The following GABRA1 variants were observed in gnomAD, a reference collection of about 807,000 sequenced individuals.
The protein encoded by GABRA1 is gamma-aminobutyric acid type A receptor subunit alpha1, also known as gamma-aminobutyric acid receptor subunit alpha-1.
A neutral mutation model predicts 48.9 loss-of-function variants in GABRA1; 9 were observed. The ratio of observed to expected loss-of-function variants is 0.18; its 90% CI spans 0.11 to 0.32. The LOEUF (loss-of-function observed/expected upper bound fraction) is 0.32, where lower values mean the gene tolerates loss of function less well. Ranked by LOEUF, GABRA1 falls within the 10% of genes least tolerant of loss-of-function variation. The pLI, the probability that GABRA1 is intolerant of heterozygous loss-of-function variation, is 1.00. For synonymous variants in GABRA1, 210 were observed against 198.7 expected (o/e 1.06, Z -0.48); for missense variants, 285 against 553.8 (o/e 0.51, Z 4.87).
At chr5:161,869,032 G>T (rs979119756) in intron 4 of GABRA1, among the ~76,000 whole-genome samples, 1 of 152,128 alleles carries the variant, frequency 6.6e-6, no homozygotes, top group South Asian at 2.1e-4. Flanking sequence ...TTTGCTAGTA[G>T]CTGGTAGAAA....
chr5:161,857,470 C>G (rs2113321144), intron 3 of GABRA1, among the ~76,000 whole-genome samples: 1 of 151,554 alleles, frequency 6.6e-6, no homozygotes, highest in Non-Finnish European at 1.5e-5. Context: ...CTTGGTTAAT[C>G]TAGATGATAG....
At chr5:161,892,492 A>T (rs560047919) in intron 8 of GABRA1, among the ~76,000 whole-genome samples, 1 of 152,378 alleles carries the variant, frequency 6.6e-6, no homozygotes, top group South Asian at 2.1e-4. Flanking sequence ...TTGCCTAAGC[A>T]TATAGCTAAA....
intron 8 of GABRA1, among the ~76,000 whole-genome samples, chr5:161,891,653 G>A (rs955290615): frequency 3.3e-5 from 5 of 152,060 alleles, no homozygotes; most frequent in Non-Finnish European, 7.4e-5. Context: ...TTTACAAATA[G>A]GAAAACTTAT....
Position 161,849,733 on chromosome 5 carries a change from T to C in GABRA1, c.-15-1063T>C, listed in dbSNP as rs901230445. Among the ~76,000 whole-genome samples, 6 of 152,352 alleles carry C rather than the reference T, an allele frequency of 3.9e-5. No homozygotes were observed. In the East Asian group the frequency reaches 9.6e-4, roughly 24 times the overall value. ...ATAGATTAAATACTTTGAACATTCCTTATATTATGACTGGAATTAATTACA... is the reference window on the plus strand; with the variant it reads ...ATAGATTAAATACTTTGAACATTCCCTATATTATGACTGGAATTAATTACA... On this transcript the variant is annotated intron_variant, in intron 1 of 9. Coordinates refer to ENST00000393943, the MANE Select transcript of GABRA1 (RefSeq NM_001127644.2).
intron 4 of GABRA1, among the ~76,000 whole-genome samples, chr5:161,870,309 C>A (rs113133111): frequency 1.6e-4 from 25 of 152,212 alleles, no homozygotes; most frequent in African/African-American, 5.3e-4. Flanking sequence ...CTCCTATAAT[C>A]CCAGCACTTT....
At position 161,898,518 on chromosome 5, in the gene GABRA1, T is replaced by C. The variant is rs1269613376; in HGVS notation, c.*1096T>C. The C allele has an allele frequency of 6.6e-6, 1 of 152,378 alleles. No homozygotes were observed. Among genetic ancestry groups the C allele is most frequent in the Non-Finnish European group, 1.5e-5 (1 of 68,020 alleles). 9.4% of individuals were successfully genotyped at this position (152,378 alleles called of 1,614,324 possible). A position where few individuals can be genotyped will look rare whatever the true frequency, so the allele number is the denominator to read the frequency against. Reference sequence around the variant, plus strand: ...ATCACTGCACTTAGCTGTTGGAATGTTGTTAAATGCTATGGAAATACATTT... The same window carrying C: ...ATCACTGCACTTAGCTGTTGGAATGCTGTTAAATGCTATGGAAATACATTT... On this transcript the variant is annotated 3_prime_UTR_variant, in exon 10 of 10. Coordinates refer to ENST00000393943, the MANE Select transcript of GABRA1 (RefSeq NM_001127644.2).
chr5:161,895,910 C>T lies in GABRA1; in HGVS notation c.1059+42C>T, dbSNP rs188647976. 2.7e-6 allele frequency: 4 copies of T among 1,499,716 alleles called. No individual in the cohort carries two copies. In the Admixed American group the frequency reaches 6.7e-5, roughly 25 times the overall value. 92.9% of individuals were successfully genotyped at this position (1,499,716 alleles called of 1,614,324 possible). On this transcript the variant is annotated intron_variant, in intron 9 of 9. Coordinates refer to ENST00000393943, the MANE Select transcript of GABRA1 (RefSeq NM_001127644.2). ...TCACTGTAGTACATCAATATTATGTCTCTTTAAACCTATGAAATGAGATGT... is the reference window on the plus strand; with the variant it reads ...TCACTGTAGTACATCAATATTATGTTTCTTTAAACCTATGAAATGAGATGT...
At chr5:161,876,182 C>CATATAT (rs139492840) in intron 6 of GABRA1, among the ~76,000 whole-genome samples, 38 of 148,618 alleles carry the variant, frequency 2.6e-4, no homozygotes, top group South Asian at 4.3e-4. Context: ...TCATGGCATT[C>CATATAT]ATATATATAT....
chr5:161,863,267 T>C (rs972174479), intron 3 of GABRA1, among the ~76,000 whole-genome samples: 6 of 151,958 alleles, frequency 3.9e-5, no homozygotes, highest in African/African-American at 1.4e-4. Context: ...TAGACTATTC[T>C]TGAATTGCTA....
intron 8 of GABRA1, 40 bp from the exon 9 acceptor site, chr5:161,895,626 T>A: frequency 6.5e-7 from 1 of 1,549,934 alleles, no homozygotes; most frequent in East Asian, 2.3e-5. Context: ...AATTTCACAG[T>A]ATGAACTGGC....
intron 8 of GABRA1, among the ~76,000 whole-genome samples, chr5:161,894,295 C>A (rs1561586962): frequency 6.6e-6 from 1 of 152,128 alleles, no homozygotes; most frequent in Non-Finnish European, 1.5e-5. Flanking sequence ...AGTTATAGAA[C>A]AGGGATTTGA....
At chr5:161,895,926 A>G in intron 9 of GABRA1, 58 bp downstream of exon 9, 1 of 1,459,910 alleles carries the variant, frequency 6.8e-7, no homozygotes, top group South Asian at 1.1e-5. Flanking sequence ...AAACCTATGA[A>G]ATGAGATGTT....
chr5:161,882,514 G>A (rs777156276), intron 6 of GABRA1, 44 bp from the exon 7 acceptor site: 3 of 1,569,692 alleles, frequency 1.9e-6, no homozygotes, highest in Admixed American at 3.3e-5. Flanking sequence ...TAAGAGAATT[G>A]AAGTGGTAAA....
At chr5:161,886,283 G>T (rs368225520) in intron 7 of GABRA1, among the ~76,000 whole-genome samples, 1 of 151,820 alleles carries the variant, frequency 6.6e-6, no homozygotes, top group Non-Finnish European at 1.5e-5. Context: ...ATACTACAAA[G>T]ATTTCAATGC....
chr5:161,862,625 A>C (rs966677905), intron 3 of GABRA1, among the ~76,000 whole-genome samples: 1 of 151,920 alleles, frequency 6.6e-6, no homozygotes. Context: ...TTCCTAAAGT[A>C]AGTATGTGGT....
intron 8 of GABRA1, among the ~76,000 whole-genome samples, chr5:161,893,723 G>C (rs1021994197): frequency 6.6e-6 from 1 of 152,116 alleles, no homozygotes; most frequent in African/African-American, 2.4e-5. Context: ...CCAGCTGCAT[G>C]GCATTGGCAA....
chr5:161,859,466 T>C (rs1250283838), intron 3 of GABRA1, among the ~76,000 whole-genome samples: 1 of 151,750 alleles, frequency 6.6e-6, no homozygotes, highest in African/African-American at 2.4e-5. Flanking sequence ...GTTCCATTTC[T>C]TTATGTAAAA....
At chr5:161,852,681 G>A (rs940523883) in intron 2 of GABRA1, among the ~76,000 whole-genome samples, 4 of 151,880 alleles carry the variant, frequency 2.6e-5, no homozygotes, top group African/African-American at 9.7e-5. Context: ...CCAAAAGAGA[G>A]TAAGCCCTCA....
rs145202603 is a variant in GABRA1, at chr5:161,889,794, C to A, written c.704-1104C>A. On this transcript the variant is annotated intron_variant, in intron 7 of 9. Coordinates refer to ENST00000393943, the MANE Select transcript of GABRA1 (RefSeq NM_001127644.2). ...TCCAGGAATGCTGCTAAACATTCTG[C>A]AATATATAGGACAGCCACCTTCAAT... is the stretch of plus-strand genomic sequence containing the variant. Among the ~76,000 whole-genome samples the A allele has an allele frequency of 9.2e-5, 14 of 151,964 alleles. No homozygotes were observed. In the East Asian group the frequency reaches 2.5e-3, roughly 27 times the overall value.
Sources: gnomAD v4.1 joint callset for allele counts (sites outside exome capture counted in the v4.1 genomes callset) on GRCh38, gnomAD v4.1.1 for gene constraint, MANE v1.5 for transcripts, NCBI Gene and HGNC (gene_info 2026-07-23, HGNC 2026-07-21) for gene names.